Variants in FMN2 observed in about 807,000 individuals in gnomAD.
The protein encoded by FMN2 is formin-2.
FMN2 carries 51 observed loss-of-function variants against 142.3 expected under a neutral mutation model. That is an observed-to-expected ratio of 0.36 (90% CI 0.29 to 0.45). The LOEUF (loss-of-function observed/expected upper bound fraction) is 0.45. Among genes scored for constraint, FMN2 ranks in the 20% least tolerant of loss-of-function variants. The probability of loss-of-function intolerance (pLI) is 1.00; values close to 1 mark genes in which losing one functional copy is unlikely to be tolerated. For synonymous variants in FMN2, 882 were observed against 869.8 expected (o/e 1.01, Z -0.25); for missense variants, 1,936 against 2,122.8 (o/e 0.91, Z 1.73).
intron 16 of FMN2, among the ~76,000 whole-genome samples, chr1:240,460,020 G>A (rs1160064970): frequency 6.6e-6 from 1 of 152,114 alleles, no homozygotes; most frequent in African/African-American, 2.4e-5. Context: ...CCTTTATTTA[G>A]ACAATCGTGT....
At chr1:240,276,285 G>T (rs1198902667) in intron 7 of FMN2, among the ~76,000 whole-genome samples, 1 of 152,154 alleles carries the variant, frequency 6.6e-6, no homozygotes, top group Non-Finnish European at 1.5e-5. Context: ...TTTTAACAAG[G>T]GTTGAGGTCT....
At chr1:240,113,867 G>A (rs1278126297) in intron 1 of FMN2, among the ~76,000 whole-genome samples, 1 of 152,122 alleles carries the variant, frequency 6.6e-6, no homozygotes, top group Non-Finnish European at 1.5e-5. Flanking sequence ...AATAAACTGT[G>A]TTCGTATCTC....
At chr1:240,245,909 A>G (rs544562613) in intron 6 of FMN2, among the ~76,000 whole-genome samples, 6 of 148,734 alleles carry the variant, frequency 4.0e-5, no homozygotes, top group African/African-American at 1.2e-4. Context: ...AGCCAGGCAC[A>G]GTGGCTTACG....
intron 14 of FMN2, among the ~76,000 whole-genome samples, chr1:240,385,066 T>C (rs182553986): frequency 6.6e-6 from 1 of 152,304 alleles, no homozygotes; most frequent in African/African-American, 2.4e-5. Context: ...TAATGTTAAA[T>C]TATGTGGCTT....
Position 240,144,173 on chromosome 1 carries a change from G to C in FMN2, c.1782+20828G>C, listed in dbSNP as rs1571978509. 3.4e-6 allele frequency: 5 copies of C among 1,449,398 alleles called. No homozygotes were observed. The East Asian group carries it at 9.1e-5, about 26-fold the overall frequency. 89.8% of individuals were successfully genotyped at this position (1,449,398 alleles called of 1,614,324 possible). A position where few individuals can be genotyped will look rare whatever the true frequency, so the allele number is the denominator to read the frequency against. On this transcript the variant is annotated intron_variant, in intron 2 of 17. Transcript: ENST00000319653. ...CTGCACTCAACATTCCGTGGTCCTT[G>C]TTCTTGTAAAGCCATTTGTTGCCAT...
rs375756080 is a variant in FMN2, at chr1:240,172,261, A to G, written c.1783-5660A>G. Among the ~76,000 whole-genome samples, 16 of 152,236 alleles carry G rather than the reference A, an allele frequency of 1.1e-4. 2 individuals carry two copies. The East Asian group carries it at 1.4e-3, about 13-fold the overall frequency. ...ATGGTTGAGGAAATATCACAGGGCA[A>G]TTGTTAATTGAATGCAAAACTGGTT... On this transcript the variant is annotated intron_variant, in intron 2 of 17. Coordinates refer to ENST00000319653, the MANE Select transcript of FMN2 (RefSeq NM_020066.5).
chr1:240,403,079 A>G (rs2103113276), intron 15 of FMN2, among the ~76,000 whole-genome samples: 1 of 152,350 alleles, frequency 6.6e-6, no homozygotes, highest in African/African-American at 2.4e-5. Flanking sequence ...TAAAGTTTGA[A>G]TTCTATTGCA....
At chr1:240,132,775 G>A (rs976708739) in intron 2 of FMN2, among the ~76,000 whole-genome samples, 1 of 152,156 alleles carries the variant, frequency 6.6e-6, no homozygotes, top group African/African-American at 2.4e-5. Context: ...TGGAGGGCTA[G>A]ATTAGAGGGT....
chr1:240,188,109 G>T, intron 3 of FMN2, 98 bp from the exon 4 acceptor site: 1 of 1,188,192 alleles, frequency 8.4e-7, no homozygotes. Flanking sequence ...TGGTACTTAT[G>T]GTTAATGATA....
intron 15 of FMN2, among the ~76,000 whole-genome samples, chr1:240,411,310 C>T (rs746876016): frequency 1.8e-4 from 27 of 152,092 alleles, no homozygotes; most frequent in Non-Finnish European, 2.6e-4. Flanking sequence ...CGGTGTTTCA[C>T]GCCCATAATC....
intron 2 of FMN2, among the ~76,000 whole-genome samples, chr1:240,147,862 A>G (rs148027942): frequency 1.3e-4 from 20 of 152,298 alleles, no homozygotes; most frequent in African/African-American, 4.3e-4. Flanking sequence ...GCTTCTGGAA[A>G]GTCTGATTGA....
chr1:240,210,750 A>G (rs956779434), intron 5 of FMN2, among the ~76,000 whole-genome samples: 9 of 152,172 alleles, frequency 5.9e-5, no homozygotes, highest in African/African-American at 2.2e-4. Flanking sequence ...TGTTAAGTCA[A>G]GTTGGGATTT....
intron 8 of FMN2, among the ~76,000 whole-genome samples, chr1:240,325,322 G>GACA (rs139753543): frequency 1.4e-3 from 192 of 135,456 alleles, no homozygotes; most frequent in African/African-American, 5.3e-3. Flanking sequence ...CAGCCTGGGT[G>GACA]ACACGGTGAG....
chr1:240,410,524 A>AT (rs995331612), intron 15 of FMN2, among the ~76,000 whole-genome samples: 3 of 152,182 alleles, frequency 2.0e-5, no homozygotes, highest in Admixed American at 6.5e-5. Context: ...AGATTTCTAG[A>AT]TTTTTTTCCT....
At chr1:240,240,392 T>C (rs1667852523) in intron 6 of FMN2, among the ~76,000 whole-genome samples, 1 of 152,254 alleles carries the variant, frequency 6.6e-6, no homozygotes, top group Admixed American at 6.5e-5. Flanking sequence ...AATAATGTTC[T>C]CTGAATACAT....
intron 7 of FMN2, among the ~76,000 whole-genome samples, chr1:240,292,763 G>A (rs539717775): frequency 1.3e-5 from 2 of 152,232 alleles, no homozygotes; most frequent in South Asian, 2.1e-4. Flanking sequence ...TTCGATAATT[G>A]TAATCTTTCC....
chr1:240,410,751 T>C (rs1246420665), intron 15 of FMN2, among the ~76,000 whole-genome samples: 1 of 152,224 alleles, frequency 6.6e-6, no homozygotes, highest in Non-Finnish European at 1.5e-5. Flanking sequence ...TATCGTCGTG[T>C]TTTTACACAT....
At chr1:240,394,639 A>T (rs1455320979) in intron 15 of FMN2, among the ~76,000 whole-genome samples, 2 of 152,182 alleles carry the variant, frequency 1.3e-5, no homozygotes, top group Non-Finnish European at 2.9e-5. Flanking sequence ...TAGGATTTTC[A>T]TAGCTAGAGA....
chr1:240,213,580 G>T (rs997621381), intron 6 of FMN2, among the ~76,000 whole-genome samples: 2 of 152,150 alleles, frequency 1.3e-5, no homozygotes, highest in African/African-American at 4.8e-5. Context: ...CATGCAAATT[G>T]TTCCCCTTTT....
Sources: gnomAD v4.1 joint callset for allele counts (sites outside exome capture counted in the v4.1 genomes callset) on GRCh38, gnomAD v4.1.1 for gene constraint, MANE v1.5 for transcripts, NCBI Gene and HGNC (gene_info 2026-07-23, HGNC 2026-07-21) for gene names.